KCTD1: variants seen among roughly 807,000 people sequenced by gnomAD.
The protein encoded by KCTD1 is potassium channel tetramerization domain containing 1, also known as BTB/POZ domain-containing protein KCTD1.
Under a neutral mutation model 66.0 loss-of-function variants are expected in KCTD1, and 24 were observed. That is an observed-to-expected ratio of 0.36 (90% CI 0.26 to 0.51). The LOEUF is 0.51. Among genes scored for constraint, KCTD1 ranks in the 20% least tolerant of loss-of-function variants. The pLI, the probability that KCTD1 is intolerant of heterozygous loss-of-function variation, is 0.95. For synonymous variants in KCTD1, 511 were observed against 517.2 expected, an observed-to-expected ratio of 0.99 and a Z score of 0.16; for missense variants, 943 against 1,205.2, an observed-to-expected ratio of 0.78 and a Z score of 3.22.
At chr18:26,465,083 G>T (rs1980649868) in intron 3 of KCTD1, among the ~76,000 whole-genome samples, 1 of 152,010 alleles carries the variant, frequency 6.6e-6, no homozygotes, top group East Asian at 1.9e-4. Flanking sequence ...ACTCCTTTGG[G>T]CTGGAATAAT....
At chr18:26,541,739 G>C (rs549203694) in intron 1 of KCTD1, among the ~76,000 whole-genome samples, 2 of 152,112 alleles carry the variant, frequency 1.3e-5, no homozygotes, top group Admixed American at 1.3e-4. Flanking sequence ...ATGGGCATTA[G>C]ATAACACAAC....
chr18:26,547,211 G>C lies in KCTD1; in HGVS notation c.1326C>G (p.Ala442=), dbSNP rs1397991290. 3 of 1,550,232 alleles carry C rather than the reference G, an allele frequency of 1.9e-6. No homozygotes were observed. Among genetic ancestry groups the C allele is most frequent in the Non-Finnish European group, 2.6e-6 (3 of 1,146,666 alleles). Reference sequence around the variant, plus strand: ...GGTTGGTGTAGGTCTTGGAGAGCTTGGCCGCCTTGGAGAGCATCTGCATCC... The same window carrying C: ...GGTTGGTGTAGGTCTTGGAGAGCTTCGCCGCCTTGGAGAGCATCTGCATCC... The part of the protein sequence containing the change: ...GTRMQMLSKA[A]KLSKTYTNHC... Residue 442 remains alanine (A), a synonymous_variant, in exon 1 of 5, where the codon GCC becomes GCG. Transcript: ENST00000580059.
At chr18:26,577,482 G>C (rs1986251004) in intron 1 of KCTD1, among the ~76,000 whole-genome samples, 1 of 152,028 alleles carries the variant, frequency 6.6e-6, no homozygotes, top group African/African-American at 2.4e-5. Context: ...ATCTTGAACA[G>C]GGCTCTCCTT....
chr18:26,486,005 C>G lies in KCTD1; in HGVS notation c.1989-9346G>C, dbSNP rs79004528. Among the ~76,000 whole-genome samples the G allele has an allele frequency of 0.027, 4,025 of 151,502 alleles. 420 individuals carry two copies. The East Asian group carries it at 0.36, about 14-fold the overall frequency. ...CTCGGCTCACTGCAACCTCCACCTC[C>G]CGGGTTCAAGCGATTTTCCTGCCTC... On this transcript the variant is annotated intron_variant, in intron 2 of 4. Transcript: ENST00000580059.
At chr18:26,589,925 T>C (rs777029274) in intron 1 of KCTD1, among the ~76,000 whole-genome samples, 5 of 152,186 alleles carry the variant, frequency 3.3e-5, no homozygotes, top group Admixed American at 6.5e-5. Context: ...CTACATGTGA[T>C]ACCCAGATTA....
At chr18:26,575,568 A>T (rs1986206761) in intron 1 of KCTD1, 1 of 152,194 alleles carries the variant, frequency 6.6e-6, no homozygotes, top group South Asian at 2.1e-4. Flanking sequence ...TGTTTCTGCA[A>T]GTCACGGTCT....
chr18:26,545,210 CTTAA>C lies in KCTD1; in HGVS notation c.1809+1514_1809+1517del, dbSNP rs140115612. 452 of 152,316 alleles carry C rather than the reference CTTAA, an allele frequency of 3.0e-3. 2 individuals carry two copies. Among genetic ancestry groups the C allele is most frequent in the African/African-American group, 0.01 (430 of 41,574 alleles). The allele number at this position is 152,316 out of a possible 1,614,324, so 9.4% of individuals were successfully genotyped here. ...AATAAACTTTCTTAGACTTTTAACTCTTAATTAATCAGGTGCTATTCTAAATTAG... is the reference window on the plus strand; with the variant it reads ...AATAAACTTTCTTAGACTTTTAACTCTTAATCAGGTGCTATTCTAAATTAG... On this transcript the variant is annotated intron_variant, in intron 1 of 4. Transcript: ENST00000580059.
intron 2 of KCTD1, among the ~76,000 whole-genome samples, chr18:26,487,518 C>A (rs1246030041): frequency 2.6e-5 from 4 of 152,162 alleles, no homozygotes; most frequent in Admixed American, 2.6e-4. Flanking sequence ...ATGTCGCAAG[C>A]TTATTTAAAT....
intron 1 of KCTD1, among the ~76,000 whole-genome samples, chr18:26,607,705 T>C (rs1568008067): frequency 2.0e-5 from 3 of 152,230 alleles, no homozygotes; most frequent in African/African-American, 4.8e-5. Context: ...TTTTCATTGA[T>C]TGGTAATTTC....
chr18:26,515,387 T>C (rs1225014337), intron 1 of KCTD1, among the ~76,000 whole-genome samples: 1 of 152,192 alleles, frequency 6.6e-6, no homozygotes, highest in African/African-American at 2.4e-5. Context: ...CCTAGTTGAT[T>C]TAAAAGTTAG....
chr18:26,570,815 C>T (rs1035890565), intron 1 of KCTD1, among the ~76,000 whole-genome samples: 3 of 152,220 alleles, frequency 2.0e-5, no homozygotes, highest in African/African-American at 7.2e-5. Flanking sequence ...GTTGAACCAT[C>T]ATAAGTCAGA....
At chr18:26,531,228 C>T (rs1309487345) in intron 1 of KCTD1, among the ~76,000 whole-genome samples, 1 of 152,120 alleles carries the variant, frequency 6.6e-6, no homozygotes, top group African/African-American at 2.4e-5. Context: ...CATGGTGGCT[C>T]ACACCTGTAA....
At chr18:26,461,945 C>T (rs1389695303) in intron 3 of KCTD1, among the ~76,000 whole-genome samples, 4 of 152,142 alleles carry the variant, frequency 2.6e-5, no homozygotes, top group South Asian at 2.1e-4. Flanking sequence ...GACGAAACCC[C>T]GTCTCTACTA....
chr18:26,588,867 CA>C (rs879281902), intron 1 of KCTD1, among the ~76,000 whole-genome samples: 2 of 152,088 alleles, frequency 1.3e-5, no homozygotes, highest in Non-Finnish European at 2.9e-5. Flanking sequence ...GAATCGAATG[CA>C]AAGCCCTAAT....
At chr18:26,504,345 T>C (rs1019565382) in intron 1 of KCTD1, among the ~76,000 whole-genome samples, 6 of 152,184 alleles carry the variant, frequency 3.9e-5, no homozygotes, top group Admixed American at 3.9e-4. Context: ...TTCTCCAGCC[T>C]CAGCCTCCTG....
intron 1 of KCTD1, among the ~76,000 whole-genome samples, chr18:26,597,830 T>C (rs1986803752): frequency 6.6e-6 from 1 of 152,100 alleles, no homozygotes; most frequent in Non-Finnish European, 1.5e-5. Context: ...ATTTTTGTAT[T>C]TTTAGTAGAG....
chr18:26,623,652 A>G (rs1987437731), intron 1 of KCTD1, among the ~76,000 whole-genome samples: 2 of 152,166 alleles, frequency 1.3e-5, no homozygotes, highest in South Asian at 4.1e-4. Context: ...TCCTTTATAA[A>G]TTACCCAGTC....
At chr18:26,563,380 C>G (rs1985907669) in intron 1 of KCTD1, among the ~76,000 whole-genome samples, 1 of 152,164 alleles carries the variant, frequency 6.6e-6, no homozygotes, top group Admixed American at 6.5e-5. Context: ...AGGGGTCCAC[C>G]ATTCTCCAAA....
chr18:26,481,177 C>T (rs1352177216), intron 2 of KCTD1, among the ~76,000 whole-genome samples: 1 of 152,154 alleles, frequency 6.6e-6, no homozygotes, highest in Admixed American at 6.5e-5. Context: ...AGCCACAGTC[C>T]TTGCTTTTGT....
Sources: gnomAD v4.1 joint callset for allele counts (sites outside exome capture counted in the v4.1 genomes callset) on GRCh38, gnomAD v4.1.1 for gene constraint, MANE v1.5 for transcripts, NCBI Gene and HGNC (gene_info 2026-07-23, HGNC 2026-07-21) for gene names.